Variants in NBPF10 observed in about 807,000 individuals in gnomAD.
NBPF10 encodes the protein NBPF member 10, also known as NBPF family member NBPF10.
Under a neutral mutation model 77.9 loss-of-function variants are expected in NBPF10, and 63 were observed. That is an observed-to-expected ratio of 0.81 (90% CI 0.66 to 1.00). NBPF10 has a LOEUF of 1.00. Ranked by LOEUF, NBPF10 falls within the 50% of genes least tolerant of loss-of-function variation. The pLI, the probability that NBPF10 is intolerant of heterozygous loss-of-function variation, is 0.00. For missense variants in NBPF10, 522 were observed against 679.8 expected (o/e 0.77, Z 2.58); for synonymous variants, 146 against 264.5 (o/e 0.55, Z 4.35).
intron 14 of NBPF10, 85 bp downstream of exon 14, chr1:146,126,151 C>G (rs1390062065): frequency 1.1e-6 from 1 of 877,454 alleles, no homozygotes; most frequent in Admixed American, 1.8e-5. Context: ...CATCTCTCAG[C>G]TCAGTAACGG....
intron 89 of NBPF10, among the ~76,000 whole-genome samples, chr1:146,066,884 A>T (rs71527392): frequency 0.25 from 34,982 of 138,518 alleles, 5,025 homozygotes; most frequent in Non-Finnish European, 0.34. Flanking sequence ...CACAGCAAAC[A>T]GTGATCATGA....
chr1:146,067,963 A>C (rs1559309376), intron 88 of NBPF10, 40 bp downstream of exon 88: 1 of 598,086 alleles, frequency 1.7e-6, no homozygotes, highest in Non-Finnish European at 3.0e-6. Flanking sequence ...TATCTGGAAG[A>C]CCAGGTGGAG....
At chr1:146,066,676 C>T (rs1235295799) in intron 89 of NBPF10, 115 bp from the exon 90 acceptor site, 12 of 528,378 alleles carry the variant, frequency 2.3e-5, no homozygotes, top group Admixed American at 6.9e-5. Flanking sequence ...AGGATAGAAC[C>T]ATTAATGAGG....
In NBPF10 at chr1:146,066,730, C is replaced by G. The variant is rs1445171606; in HGVS notation, c.11145-169G>C. Among the ~76,000 whole-genome samples, 3 of 149,062 alleles carry G rather than the reference C, an allele frequency of 2.0e-5. No individual in the cohort carries two copies. In the East Asian group the frequency reaches 5.9e-4, roughly 29 times the overall value. ...CCTTTATGTTGGGATAGAACAGGGC[C>G]AGGTAGAAAACAATGAAAGAGAAAG... On this transcript the variant is annotated intron_variant, in intron 89 of 89. Coordinates refer to ENST00000583866, the Ensembl canonical transcript of NBPF10.
intron 71 of NBPF10, among the ~76,000 whole-genome samples, chr1:146,081,030 CAGAGAGAGAG>C (rs1174335533): frequency 2.8e-5 from 1 of 35,476 alleles, no homozygotes; most frequent in Non-Finnish European, 8.3e-5. Flanking sequence ...CACACACACA[CAGAGAGAGAG>C]AGAGAGAACG....
exon 86 of NBPF10, chr1:146,069,635 C>T (rs587713688): frequency 1.4e-5 from 22 of 1,559,222 alleles, no homozygotes; most frequent in Non-Finnish European, 1.9e-5. Flanking sequence ...TTCAAGACAA[C>T]CTGAAGGAGT....
chr1:146,136,062 T>C (rs1336146191), intron 7 of NBPF10, among the ~76,000 whole-genome samples: 2 of 148,422 alleles, frequency 1.3e-5, no homozygotes, highest in East Asian at 2.0e-4. Context: ...ATTTTGAGTA[T>C]ACTGAATGCT....
At chr1:146,081,136 G>T (rs1348770538) in intron 71 of NBPF10, among the ~76,000 whole-genome samples, 2,363 of 7,114 alleles carry the variant, frequency 0.33, 54 homozygotes, top group East Asian at 0.45. Context: ...CAGCATACAG[G>T]GATCATGAAA....
In NBPF10 at chr1:146,122,571, C is replaced by T. The variant is rs1315750357; in HGVS notation, c.2477-180G>A. On this transcript the variant is annotated intron_variant, in intron 18 of 89. Coordinates refer to ENST00000583866, the Ensembl canonical transcript of NBPF10. ...TGATAGAAATTCCTTGGTTTTTCTC[C>T]CAGAAACTGTGGGTAAAGTGTCCCT... is the stretch of plus-strand genomic sequence containing the variant. Among the ~76,000 whole-genome samples the T allele has an allele frequency of 1.2e-3, 24 of 20,856 alleles. 11 individuals carry two copies. The highest frequency in any genetic ancestry group is 6.6e-3 in the African/African-American group (24 of 3,612). The allele number at this position is 20,856 out of a possible 152,430, so 13.7% of individuals were successfully genotyped here. A position where few individuals can be genotyped will look rare whatever the true frequency, so the allele number is the denominator to read the frequency against.
At position 146,125,996 on chromosome 1, in the gene NBPF10, T is replaced by C. The variant is rs145469323; in HGVS notation, c.2026+240A>G. Among the ~76,000 whole-genome samples, 7 of 151,666 alleles carry C rather than the reference T, an allele frequency of 4.6e-5. 1 individual carries two copies. The highest frequency in any genetic ancestry group is 4.6e-4 in the Admixed American group (7 of 15,252). ...TCATATCTGCCCAGATCCAACATCTTGAGAGTAGGATTATGGTGCCACAGG... is the reference window on the plus strand; with the variant it reads ...TCATATCTGCCCAGATCCAACATCTCGAGAGTAGGATTATGGTGCCACAGG... On this transcript the variant is annotated intron_variant, in intron 14 of 89. Coordinates refer to ENST00000583866, the Ensembl canonical transcript of NBPF10.
chr1:146,136,113 T>C (rs1553794817), intron 7 of NBPF10, among the ~76,000 whole-genome samples: 2 of 150,600 alleles, frequency 1.3e-5, no homozygotes, highest in East Asian at 1.9e-4. Context: ...TTGTGTTATG[T>C]AAATTTCACA....
In NBPF10 at chr1:146,126,418, T is replaced by C. The variant is rs1250422065; in HGVS notation, c.1854-10A>G. The C allele has an allele frequency of 1.9e-5, 21 of 1,134,310 alleles. 1 individual carries two copies. The highest frequency in any genetic ancestry group is 1.7e-5 in the Non-Finnish European group (13 of 750,814). 70.3% of individuals were successfully genotyped at this position (1,134,310 alleles called of 1,614,324 possible). On this transcript the variant is annotated splice_polypyrimidine_tract_variant and intron_variant, in intron 13 of 89. Coordinates refer to ENST00000583866, the Ensembl canonical transcript of NBPF10. ...CAGCTCCCTGCTGAGCGTGGAAAAG[T>C]AGGAAAAAGTAAAGAATAAGCCAGG...
rs1362897970 is a variant in NBPF10 at position 146,129,882 on chromosome 1, T to A, written c.1638-1600A>T. Among the ~76,000 whole-genome samples the A allele has an allele frequency of 1.4e-4, 14 of 97,216 alleles. No individual in the cohort carries two copies. In the East Asian group the frequency reaches 3.3e-3, roughly 23 times the overall value. The allele number at this position is 97,216 out of a possible 152,430, so 63.8% of individuals were successfully genotyped here. ...CATATGTATAGTTTTCCTTTATTAT[T>A]TTTTGTGTGTATGTATATATATATA... is the stretch of plus-strand genomic sequence containing the variant. On this transcript the variant is annotated intron_variant, in intron 11 of 89. Coordinates refer to ENST00000583866, the Ensembl canonical transcript of NBPF10.
At chr1:146,139,282 T>TG (rs1660043645) in intron 5 of NBPF10, among the ~76,000 whole-genome samples, 2 of 149,848 alleles carry the variant, frequency 1.3e-5, no homozygotes, top group East Asian at 3.9e-4. Flanking sequence ...TTTTTTTTTT[T>TG]GTATTTTTAG....
At position 146,067,928 on chromosome 1, in the gene NBPF10, C is replaced by G. The variant is rs797025470; in HGVS notation, c.11035+75G>C. 988 of 687,802 alleles carry G rather than the reference C, an allele frequency of 1.4e-3. 34 individuals are homozygous for G. In the East Asian group the frequency reaches 0.021, roughly 15 times the overall value. The allele number at this position is 687,802 out of a possible 1,614,324, so 42.6% of individuals were successfully genotyped here. A position where few individuals can be genotyped will look rare whatever the true frequency, so the allele number is the denominator to read the frequency against. ...ATGACGTCTCTCGGGTCAGCAAGGG[C>G]CACTTGGAATAGGAATATCACCCCT... On this transcript the variant is annotated intron_variant, in intron 88 of 89. Transcript: ENST00000583866.
At position 146,126,187 on chromosome 1, in the gene NBPF10, A is replaced by G. The variant is rs879972613; in HGVS notation, c.2026+49T>C. The G allele has an allele frequency of 3.0e-6, 3 of 1,016,880 alleles. No homozygotes were observed. The South Asian group carries it at 3.8e-5, about 13-fold the overall frequency. 63.0% of individuals were successfully genotyped at this position (1,016,880 alleles called of 1,614,324 possible). A position where few individuals can be genotyped will look rare whatever the true frequency, so the allele number is the denominator to read the frequency against. ...CCACTTGCAGTAGGAATATGACCCT[A>G]ACCAGAAGACTCAGTGGATCCTTAT... On this transcript the variant is annotated intron_variant, in intron 14 of 89. Coordinates refer to ENST00000583866, the Ensembl canonical transcript of NBPF10.
rs1260606645 is a variant in NBPF10, at chr1:146,126,658, A to T, written c.1854-250T>A. ...ACAGAGCGAGCTCAGTCAATTGGTC[A>T]GGTGACACACTGATGAGGGAGTCAA... On this transcript the variant is annotated intron_variant, in intron 13 of 89. Coordinates refer to ENST00000583866, the Ensembl canonical transcript of NBPF10. Among the ~76,000 whole-genome samples the T allele has an allele frequency of 1.0e-4, 15 of 144,856 alleles. 1 individual carries two copies. The highest frequency in any genetic ancestry group is 1.7e-4 in the Non-Finnish European group (11 of 65,208).
At position 146,129,922 on chromosome 1, in the gene NBPF10, C is replaced by T. The variant is rs1355644163; in HGVS notation, c.1638-1640G>A. Among the ~76,000 whole-genome samples the T allele has an allele frequency of 2.0e-5, 2 of 101,684 alleles. 1 individual carries two copies. The highest frequency in any genetic ancestry group is 4.0e-5 in the Non-Finnish European group (2 of 49,916). 66.7% of individuals were successfully genotyped at this position (101,684 alleles called of 152,430 possible). A position where few individuals can be genotyped will look rare whatever the true frequency, so the allele number is the denominator to read the frequency against. ...ATATATATATATATATTTTTTAATACTTTAAGTCTTAGGGTACATGTGCAC... is the reference window on the plus strand; with the variant it reads ...ATATATATATATATATTTTTTAATATTTTAAGTCTTAGGGTACATGTGCAC... On this transcript the variant is annotated intron_variant, in intron 11 of 89. Coordinates refer to ENST00000583866, the Ensembl canonical transcript of NBPF10.
At chr1:146,129,842 A>G (rs1659106510) in intron 11 of NBPF10, among the ~76,000 whole-genome samples, 1 of 76,328 alleles carries the variant, frequency 1.3e-5, no homozygotes, top group South Asian at 3.6e-4. Context: ...AATATTCAAC[A>G]TTCTTTTTTT....
Sources: gnomAD v4.1 joint callset for allele counts (sites outside exome capture counted in the v4.1 genomes callset) on GRCh38, gnomAD v4.1.1 for gene constraint, MANE v1.5 for transcripts, NCBI Gene and HGNC (gene_info 2026-07-23, HGNC 2026-07-21) for gene names.